Variants in PAH observed in about 807,000 individuals in gnomAD.
PAH encodes phenylalanine hydroxylase.
A neutral mutation model predicts 62.0 loss-of-function variants in PAH; 64 were observed. The observed-to-expected ratio is 1.03, with a 90% CI of 0.84 to 1.27. The LOEUF (loss-of-function observed/expected upper bound fraction) is 1.27, where lower values mean the gene tolerates loss of function less well. Among genes scored for constraint, PAH ranks in the 50% most tolerant of loss-of-function variants. The probability of loss-of-function intolerance (pLI) is 0.00; values close to 1 mark genes in which losing one functional copy is unlikely to be tolerated. For synonymous variants in PAH, 195 were observed against 196.2 expected (o/e 0.99, Z 0.05); for missense variants, 579 against 542.8 (o/e 1.07, Z -0.66).
At chr12:102,918,577 T>A (rs1051733555), upstream of PAH, among the ~76,000 whole-genome samples, 2 of 152,040 alleles carry the variant, frequency 1.3e-5, no homozygotes, top group Admixed American at 1.3e-4. Flanking sequence ...TTTGTTTTTT[T>A]TTTTTGTTTT....
chr12:102,857,270 A>AG (rs1365617167), intron 5 of PAH, among the ~76,000 whole-genome samples: 1 of 152,188 alleles, frequency 6.6e-6, no homozygotes, highest in East Asian at 1.9e-4. Context: ...AGAAGTTTAG[A>AG]GAAAAAAGAG....
chr12:102,925,562 T>G (rs1443114754), intron 1 of PAH, among the ~76,000 whole-genome samples: 1 of 152,198 alleles, frequency 6.6e-6, no homozygotes, highest in Non-Finnish European at 1.5e-5. Context: ...AAACTGTTCT[T>G]TCTTCATCAG....
intron 4 of PAH, among the ~76,000 whole-genome samples, chr12:102,874,251 G>A (rs976275350): frequency 1.3e-5 from 2 of 152,308 alleles, no homozygotes; most frequent in South Asian, 2.1e-4. Flanking sequence ...GGACAGAAAG[G>A]GGAGTAAATT....
intron 5 of PAH, among the ~76,000 whole-genome samples, chr12:102,860,772 G>A (rs1875679460): frequency 6.6e-6 from 1 of 152,174 alleles, no homozygotes; most frequent in Non-Finnish European, 1.5e-5. Flanking sequence ...GGGAAAATTG[G>A]CTAGCCACGT....
upstream of PAH, among the ~76,000 whole-genome samples, chr12:102,920,621 A>T (rs1210405185): frequency 6.6e-6 from 1 of 152,098 alleles, no homozygotes; most frequent in Non-Finnish European, 1.5e-5. Flanking sequence ...ATTCTCTTTT[A>T]TCATAATTCC....
intron 8 of PAH, 26 bp from the exon 9 acceptor site, chr12:102,846,977 G>T: frequency 6.2e-7 from 1 of 1,604,118 alleles, no homozygotes; most frequent in South Asian, 1.1e-5. Context: ...AATAGAACCT[G>T]TTCTGTTCCT....
At chr12:102,918,422 C>A (rs1264638853), upstream of PAH, among the ~76,000 whole-genome samples, 1 of 151,776 alleles carries the variant, frequency 6.6e-6, no homozygotes, top group Non-Finnish European at 1.5e-5. Context: ...CCTCTCCTCC[C>A]ACTGTTCTTT....
At chr12:102,844,499 T>A in intron 9 of PAH, 68 bp from the exon 10 acceptor site, 1 of 1,012,754 alleles carries the variant, frequency 9.9e-7, no homozygotes, top group Non-Finnish European at 1.6e-6. Context: ...CTTGACTGGA[T>A]GAAGGGATAC....
chr12:102,958,364 C>CGCAGCCGCCGCAGCG, exon 1 of PAH: 1 of 1,437,994 alleles, frequency 7.0e-7, no homozygotes, highest in Non-Finnish European at 9.1e-7. Flanking sequence ...CCGCGGCGGC[C>CGCAGCCGCCGCAGCG]GCAGCCGCCG....
At chr12:102,908,221 GACACACAC>G (rs150345639) in intron 2 of PAH, among the ~76,000 whole-genome samples, 142 of 141,796 alleles carry the variant, frequency 1.0e-3, no homozygotes, top group African/African-American at 3.6e-3. Context: ...CTGCAGCCCC[GACACACAC>G]ACACACACAC....
intron 3 of PAH, 126 bp from the exon 4 acceptor site, chr12:102,877,676 C>G: frequency 1.3e-6 from 1 of 747,458 alleles, no homozygotes. Context: ...CAGATAACCC[C>G]CAAATTACTA....
upstream of PAH, among the ~76,000 whole-genome samples, chr12:102,918,364 T>A (rs1440407797): frequency 6.6e-6 from 1 of 152,152 alleles, no homozygotes; most frequent in East Asian, 1.9e-4. Flanking sequence ...GAGAAAGTAA[T>A]GGGCTGTAAG....
intron 1 of PAH, chr12:102,916,727 A>G (rs1055048177): frequency 2.8e-6 from 1 of 359,938 alleles, no homozygotes; most frequent in African/African-American, 2.1e-5. Context: ...ATCATTAGGG[A>G]CCAGCCCCTT....
rs281865437 is a variant in PAH at position 102,840,475 on chromosome 12, A to G, written c.1240T>C (p.Tyr414His). ...ATIPRPFSVR[Y>H]DPYTQRIEVL... Reference sequence around the variant, plus strand: ...TCAATCCTTTGGGTGTATGGGTCGTAGCGAACTGAGAAGGGCCGAGGTATT... The same window carrying G: ...TCAATCCTTTGGGTGTATGGGTCGTGGCGAACTGAGAAGGGCCGAGGTATT... Residue 414 changes from tyrosine to histidine, a missense_variant, in exon 12 of 13, where the codon TAC becomes CAC. By Grantham distance (83) the Tyr-to-His change is moderately conservative. Coordinates refer to ENST00000553106, the MANE Select transcript of PAH (RefSeq NM_000277.3). 6.2e-6 allele frequency: 10 copies of G among 1,613,996 alleles called. No individual in the cohort carries two copies. The Middle Eastern group carries it at 5.0e-4, about 80-fold the overall frequency.
chr12:102,895,869 AATATATAT>A (rs1555208128), intron 2 of PAH, among the ~76,000 whole-genome samples: 1 of 118,744 alleles, frequency 8.4e-6, no homozygotes, highest in Non-Finnish European at 1.7e-5. Context: ...AAAAAAAAAA[AATATATAT>A]ATATATATAT....
upstream of PAH, among the ~76,000 whole-genome samples, chr12:102,952,052 CAA>C (rs763619813): frequency 5.9e-5 from 9 of 152,098 alleles, no homozygotes; most frequent in African/African-American, 1.2e-4. Flanking sequence ...AGGGGAGACT[CAA>C]GAGCGCTTTT....
At chr12:102,880,176 G>C (rs1876757011) in intron 3 of PAH, among the ~76,000 whole-genome samples, 1 of 152,052 alleles carries the variant, frequency 6.6e-6, no homozygotes. Context: ...GAGGAACGTG[G>C]CTTCCCGCCT....
At chr12:102,898,402 T>C (rs894951770) in intron 2 of PAH, among the ~76,000 whole-genome samples, 15 of 152,248 alleles carry the variant, frequency 9.9e-5, no homozygotes, top group African/African-American at 3.6e-4. Context: ...GAGTATCATA[T>C]ACACTTTATT....
rs576865458 is a variant in PAH at position 102,891,482 on chromosome 12, C to T, written c.352+3253G>A. ...AGCTGTGTACAGGCTGCATTTTGGT[C>T]GCTCTTGTGCTCATGCCAGTGTTTA... On this transcript the variant is annotated intron_variant, in intron 3 of 12. Coordinates refer to ENST00000553106, the MANE Select transcript of PAH (RefSeq NM_000277.3). Among the ~76,000 whole-genome samples, 7 of 152,254 alleles carry T rather than the reference C, an allele frequency of 4.6e-5. No homozygotes were observed. The South Asian group carries it at 1.0e-3, about 23-fold the overall frequency.
Sources: gnomAD v4.1 joint callset for allele counts (sites outside exome capture counted in the v4.1 genomes callset) on GRCh38, gnomAD v4.1.1 for gene constraint, MANE v1.5 for transcripts, NCBI Gene and HGNC (gene_info 2026-07-23, HGNC 2026-07-21) for gene names.